The following KIAA1328 variants were observed in gnomAD, a reference collection of about 807,000 sequenced individuals.
KIAA1328 encodes the protein KIAA1328.
A neutral mutation model predicts 68.1 loss-of-function variants in KIAA1328; 52 were observed. That is an observed-to-expected ratio of 0.76 (90% CI 0.61 to 0.96). KIAA1328 has a LOEUF of 0.96. Among genes scored for constraint, KIAA1328 ranks in the 40% least tolerant of loss-of-function variants. KIAA1328 has a pLI of 0.00. For missense variants in KIAA1328, 641 were observed against 677.6 expected (o/e 0.95, Z 0.60); for synonymous variants, 232 against 239.4 (o/e 0.97, Z 0.28).
At chr18:37,087,872 A>T (rs559707908) in intron 7 of KIAA1328, among the ~76,000 whole-genome samples, 1 of 152,208 alleles carries the variant, frequency 6.6e-6, no homozygotes, top group African/African-American at 2.4e-5. Context: ...TCTTAACTAT[A>T]TGGATTTCTG....
chr18:37,001,016 A>G (rs2590854), intron 6 of KIAA1328, among the ~76,000 whole-genome samples: 111,223 of 151,850 alleles, frequency 0.73, 43,876 homozygotes, highest in South Asian at 0.89. Flanking sequence ...TCCAAAATTA[A>G]CAGAAAAGAT....
chr18:37,200,679 C>T (rs973418889), intron 9 of KIAA1328, among the ~76,000 whole-genome samples: 10 of 151,862 alleles, frequency 6.6e-5, no homozygotes, highest in South Asian at 4.2e-4. Context: ...GGCGCGGTGG[C>T]GGGCGCCTGT....
chr18:37,123,713 A>C (rs1036545230), intron 7 of KIAA1328, among the ~76,000 whole-genome samples: 14 of 152,324 alleles, frequency 9.2e-5, no homozygotes, highest in African/African-American at 3.4e-4. Flanking sequence ...CTGAAACAGT[A>C]CTCAATTTTT....
Position 37,165,127 on chromosome 18 carries a change from T to C in KIAA1328, c.1414+4746T>C, listed in dbSNP as rs560952243. Among the ~76,000 whole-genome samples the C allele has an allele frequency of 3.3e-5, 5 of 152,182 alleles. No individual in the cohort carries two copies. In the East Asian group the frequency reaches 9.7e-4, roughly 30 times the overall value. On this transcript the variant is annotated intron_variant, in intron 8 of 9. Coordinates refer to ENST00000280020, the MANE Select transcript of KIAA1328 (RefSeq NM_020776.3). ...TCTCAGGCCCACCCCTATGACCTCA[T>C]CCAACTTAACTACCTCTTTAAAGGT... is the stretch of plus-strand genomic sequence containing the variant.
intron 7 of KIAA1328, chr18:37,084,267 A>C (rs2057033367): frequency 8.1e-7 from 1 of 1,240,246 alleles, no homozygotes; most frequent in East Asian, 2.7e-5. Context: ...CAAGAATCTT[A>C]AGGGCATAAA....
At chr18:37,180,891 C>T (rs1004360910) in intron 9 of KIAA1328, among the ~76,000 whole-genome samples, 23 of 152,038 alleles carry the variant, frequency 1.5e-4, no homozygotes, top group African/African-American at 5.1e-4. Flanking sequence ...GGCTATTATT[C>T]GTTAAATGCC....
intron 7 of KIAA1328, among the ~76,000 whole-genome samples, chr18:37,100,008 A>T (rs2057550220): frequency 1.3e-5 from 2 of 151,756 alleles, no homozygotes; most frequent in Admixed American, 6.6e-5. Context: ...CAGCACACTG[A>T]TGGGTCTTGA....
At chr18:37,216,356 C>T (rs2060433112) in intron 9 of KIAA1328, among the ~76,000 whole-genome samples, 1 of 152,104 alleles carries the variant, frequency 6.6e-6, no homozygotes, top group Non-Finnish European at 1.5e-5. Flanking sequence ...TCTTTGTTCT[C>T]GTTGGTTTCA....
chr18:37,152,096 TA>T (rs376117913), intron 7 of KIAA1328, among the ~76,000 whole-genome samples: 17,033 of 84,636 alleles, frequency 0.2, 893 homozygotes, highest in Middle Eastern at 0.27. Flanking sequence ...TGGACCTATG[TA>T]AAAAAAAAAA....
downstream of KIAA1328, chr18:37,229,602 G>A (rs116276870): frequency 8.7e-4 from 1,105 of 1,271,914 alleles, 8 homozygotes; most frequent in African/African-American, 0.015. Flanking sequence ...CCATCCAGGC[G>A]CGGTGGCTTA....
rs2060377009 is a variant in KIAA1328 at position 37,214,163 on chromosome 18, A to G, written c.1524-7854A>G. Among the ~76,000 whole-genome samples, 3 of 152,036 alleles carry G rather than the reference A, an allele frequency of 2.0e-5. No individual in the cohort carries two copies. In the South Asian group the frequency reaches 6.2e-4, roughly 32 times the overall value. On this transcript the variant is annotated intron_variant, in intron 9 of 9. Coordinates refer to ENST00000280020, the MANE Select transcript of KIAA1328 (RefSeq NM_020776.3). The stretch of plus-strand genomic sequence containing the variant: ...AAGCTCTTCAGTTTAATTAGATCCC[A>G]TTTGTCTATTTTGGCTTTTGTTGCC...
At chr18:37,101,130 GCAGCTCCT>G (rs1397187352) in intron 7 of KIAA1328, among the ~76,000 whole-genome samples, 4 of 152,208 alleles carry the variant, frequency 2.6e-5, no homozygotes, top group African/African-American at 4.8e-5. Flanking sequence ...CCAAAGGAAT[GCAGCTCCT>G]CACCAGCAAC....
At chr18:37,010,031 G>A (rs537577438) in intron 6 of KIAA1328, among the ~76,000 whole-genome samples, 19 of 152,300 alleles carry the variant, frequency 1.2e-4, no homozygotes, top group African/African-American at 4.6e-4. Context: ...AGCTTACCAT[G>A]ATATAGCTGA....
At chr18:36,974,288 T>C (rs942848288) in intron 6 of KIAA1328, among the ~76,000 whole-genome samples, 3 of 152,194 alleles carry the variant, frequency 2.0e-5, no homozygotes, top group Non-Finnish European at 2.9e-5. Flanking sequence ...ATTATATTCA[T>C]TGAGTAATTT....
In KIAA1328 at chr18:37,052,582, TA is replaced by T. The variant is rs1167546433; in HGVS notation, c.577-14298del. ...TTCACTGACGACATAATCCTATATCTAAAAAAAAAACCCTAAAGATTTCTCC... is the reference window on the plus strand; with the variant it reads ...TTCACTGACGACATAATCCTATATCTAAAAAAAAACCCTAAAGATTTCTCC... On this transcript the variant is annotated intron_variant, in intron 6 of 9. Coordinates refer to ENST00000280020, the MANE Select transcript of KIAA1328 (RefSeq NM_020776.3). Among the ~76,000 whole-genome samples the T allele has an allele frequency of 4.2e-4, 62 of 146,300 alleles. 1 individual carries two copies. Among genetic ancestry groups the T allele is most frequent in the African/African-American group, 1.2e-3 (47 of 39,960 alleles).
chr18:36,948,265 T>G (rs574097589), intron 5 of KIAA1328, among the ~76,000 whole-genome samples: 3 of 143,810 alleles, frequency 2.1e-5, no homozygotes, highest in African/African-American at 7.7e-5. Context: ...TCTTTTGTTT[T>G]TTTTTTTTTT....
At chr18:37,214,721 A>C (rs2060391606) in intron 9 of KIAA1328, among the ~76,000 whole-genome samples, 1 of 152,174 alleles carries the variant, frequency 6.6e-6, no homozygotes, top group South Asian at 2.1e-4. Context: ...ATGGCATTGA[A>C]TCTATAAATT....
intron 7 of KIAA1328, among the ~76,000 whole-genome samples, chr18:37,079,603 T>C (rs919746047): frequency 2.6e-5 from 4 of 151,940 alleles, no homozygotes; most frequent in Non-Finnish European, 5.9e-5. Context: ...TATGTAAAAG[T>C]TCAGGCCAGG....
rs71168249 is a variant in KIAA1328 at position 36,953,995 on chromosome 18, C to CTTTTTTTTTTTTT, written c.449-5307_449-5295dup. Among the ~76,000 whole-genome samples, 45 of 113,542 alleles carry CTTTTTTTTTTTTT rather than the reference C, an allele frequency of 4.0e-4. 1 individual carries two copies. The highest frequency in any genetic ancestry group is 5.6e-4 in the Non-Finnish European group (32 of 57,156). The allele number at this position is 113,542 out of a possible 152,430, so 74.5% of individuals were successfully genotyped here. ...ATATATTGAATTTGTCTGATTGTTT[C>CTTTTTTTTTTTTT]TTTTTTTTTTTTTTTTTTGAGACGG... On this transcript the variant is annotated intron_variant, in intron 5 of 9. Coordinates refer to ENST00000280020, the MANE Select transcript of KIAA1328 (RefSeq NM_020776.3).
Sources: allele counts gnomAD v4.1 joint callset (sites outside exome capture counted in the v4.1 genomes callset), GRCh38; gene constraint gnomAD v4.1.1; transcripts MANE v1.5; gene names NCBI Gene and HGNC (gene_info 2026-07-23, HGNC 2026-07-21).